The following MYH9 variants were observed in gnomAD, a reference collection of about 807,000 sequenced individuals.
The protein encoded by MYH9 is myosin heavy chain 9, also known as myosin-9.
In MYH9, 29 loss-of-function variants were observed where a neutral mutation model predicts 241.9. That is an observed-to-expected ratio of 0.12 (90% CI 0.09 to 0.16). The LOEUF (loss-of-function observed/expected upper bound fraction) is 0.16. Among genes scored for constraint, MYH9 ranks in the 10% least tolerant of loss-of-function variants. The probability of loss-of-function intolerance (pLI) is 1.00; values close to 1 mark genes in which losing one functional copy is unlikely to be tolerated. For synonymous variants in MYH9, 1,047 were observed against 1,062.6 expected (o/e 0.99, Z 0.29); for missense variants, 1,803 against 2,595.5 (o/e 0.69, Z 6.63).
rs1407374239 is a variant in MYH9, at chr22:36,288,331, T to A, written c.4853A>T (p.Asp1618Val). The change falls in exon 34 of 41, where the codon GAC becomes GTC. Residue 1618 changes from aspartate to valine, a missense_variant. Around this residue, in one of 11 missense-constraint regions of MYH9, gnomAD observed 876 missense variants for 1,077.8 expected, o/e 0.81. Coordinates refer to ENST00000216181, the MANE Select transcript of MYH9 (RefSeq NM_002473.6). This position sits in a 1 kb window ranked among gnomAD's most constrained non-coding sequence, Gnocchi z 4.8. ...AVAARKKLEM[D>V]LKDLEAHIDS... ...GATGTGCGCCTCCAGGTCCTTCAGG[T>A]CCATCTCCAGCTTCTTCCGGGCGGC... 2 of 1,614,022 alleles carry A rather than the reference T, an allele frequency of 1.2e-6. No homozygotes were observed. The highest frequency in any genetic ancestry group is 3.3e-5 in the Admixed American group (2 of 60,012).
intron 35 of MYH9, 151 bp downstream of exon 35, chr22:36,286,567 C>G: frequency 8.9e-7 from 1 of 1,118,072 alleles, no homozygotes; most frequent in Non-Finnish European, 1.3e-6. Context: ...GAAACGGAAC[C>G]CTGGAGGGAA....
In MYH9 at chr22:36,319,624, C is replaced by T. The variant is rs1467075674; in HGVS notation, c.1024G>A (p.Val342Ile). 6.2e-7 allele frequency: 1 copy of T among 1,614,076 alleles called. No individual in the cohort carries two copies. The highest frequency in any genetic ancestry group is 8.5e-7 in the Non-Finnish European group (1 of 1,180,022). Residue 342 changes from valine to isoleucine, a missense_variant, in exon 10 of 41, where the codon GTC (valine) becomes ATC (isoleucine). Val to Ile is a conservative substitution (Grantham distance 29). Around this residue, in one of 11 missense-constraint regions of MYH9, gnomAD observed 222 missense variants for 359.9 expected, o/e 0.62. Coordinates refer to ENST00000216181, the MANE Select transcript of MYH9 (RefSeq NM_002473.6). ...CCGAGCTGAAGAACCCCTGAGATGA[C>T]CCGCAGCAGGCCTTTGGGTGCAATC... ...PEEEQMGLLRVISGVLQLGNI... is the reference protein window; with the variant it reads ...PEEEQMGLLRIISGVLQLGNI...
At chr22:36,357,297 TG>T (rs1338707408) in intron 1 of MYH9, among the ~76,000 whole-genome samples, 1 of 152,026 alleles carries the variant, frequency 6.6e-6, no homozygotes, top group Non-Finnish European at 1.5e-5. Flanking sequence ...GAAGAGATGG[TG>T]GAAAGGTATC....
chr22:36,365,477 A>T (rs922677315), intron 1 of MYH9, among the ~76,000 whole-genome samples: 11 of 150,578 alleles, frequency 7.3e-5, no homozygotes, highest in East Asian at 5.9e-4. Context: ...TTTTTATTTT[A>T]TTTTTTTTTG....
At chr22:36,312,638 A>C (rs2017083648) in intron 13 of MYH9, among the ~76,000 whole-genome samples, 1 of 152,114 alleles carries the variant, frequency 6.6e-6, no homozygotes, top group Non-Finnish European at 1.5e-5. Flanking sequence ...GAGATGGGAT[A>C]TGTAGGAGGA....
intron 1 of MYH9, among the ~76,000 whole-genome samples, chr22:36,383,648 A>G (rs2146430334): frequency 7.7e-6 from 1 of 129,776 alleles, no homozygotes; most frequent in Non-Finnish European, 1.7e-5. Context: ...AAGACTGATC[A>G]TTTATATTAA....
At position 36,289,134 on chromosome 22, in the gene MYH9, C is replaced by T. The variant is rs549408311; in HGVS notation, c.4508G>A (p.Arg1503His). The change falls in exon 32 of 41, where the codon CGC becomes CAC. Residue 1503 changes from arginine (R) to histidine (H), a missense_variant. Around this residue, in one of 11 missense-constraint regions of MYH9, gnomAD observed 876 missense variants for 1,077.8 expected, o/e 0.81. Transcript: ENST00000216181. ...AELERLNKQFRTEMEDLMSSK... is the reference protein window; with the variant it reads ...AELERLNKQFHTEMEDLMSSK... ...GCTCATAAGGTCCTCCATCTCCGTG[C>T]GGAACTGCTTGTTGAGCCGCTCCAG... The T allele has an allele frequency of 9.9e-6, 16 of 1,614,096 alleles. No homozygotes were observed. The South Asian group carries it at 1.2e-4, about 12-fold the overall frequency.
chr22:36,309,412 A>G lies in MYH9; in HGVS notation c.1729-16T>C. 1 of 1,600,458 alleles carries G rather than the reference A, an allele frequency of 6.2e-7. No individual in the cohort carries two copies. On this transcript the variant is annotated splice_polypyrimidine_tract_variant and intron_variant, in intron 14 of 40. Coordinates refer to ENST00000216181, the MANE Select transcript of MYH9 (RefSeq NM_002473.6). ...TGTAATCCACCTGGCGGGGTCAGAG[A>G]GGCAGGAGTCACAAGCTGCGCTGGG...
At chr22:36,316,722 C>A in intron 11 of MYH9, 53 bp from the exon 12 acceptor site, 1 of 1,608,380 alleles carries the variant, frequency 6.2e-7, no homozygotes, top group South Asian at 1.1e-5. Flanking sequence ...TCTGAAAACC[C>A]TCATACCCTA....
Position 36,330,369 on chromosome 22 carries a change from C to G in MYH9, c.491-2881G>C, listed in dbSNP as rs957964241. Among the ~76,000 whole-genome samples, 1 of 152,240 alleles carries G rather than the reference C, an allele frequency of 6.6e-6. No individual in the cohort carries two copies. The highest frequency in any genetic ancestry group is 2.1e-4 in the South Asian group (1 of 4,836). The stretch of plus-strand genomic sequence containing the variant: ...ATGCACCACGAATCGTACCATGGCC[C>G]CATGCAACCGAAAAGGTCTTTCCAA... On this transcript the variant is annotated intron_variant, in intron 3 of 40. Coordinates refer to ENST00000216181, the MANE Select transcript of MYH9 (RefSeq NM_002473.6). This position sits in a 1 kb window ranked among gnomAD's most constrained non-coding sequence, Gnocchi z 4.5.
chr22:36,327,595 T>C (rs572404604), intron 3 of MYH9, 107 bp from the exon 4 acceptor site: 457 of 1,305,846 alleles, frequency 3.5e-4, no homozygotes, highest in South Asian at 1.4e-3. Context: ...GTGTCACAGA[T>C]GCTGTCTTTG....
At chr22:36,368,474 G>C (rs143977533) in intron 1 of MYH9, among the ~76,000 whole-genome samples, 4,058 of 152,294 alleles carry the variant, frequency 0.027, 66 homozygotes, top group Non-Finnish European at 0.04. Flanking sequence ...TGCACACAGA[G>C]CATCTGGCAA....
rs761589097 is a variant in MYH9 at position 36,329,920 on chromosome 22, C to G, written c.491-2432G>C. ...GCAAAGCCATATACATAGATCCACA[C>G]AAGGCACACAGCTGCACACGCATTC... On this transcript the variant is annotated intron_variant, in intron 3 of 40. Coordinates refer to ENST00000216181, the MANE Select transcript of MYH9 (RefSeq NM_002473.6). The surrounding 1 kb of genome is among the most constrained non-coding windows in gnomAD (Gnocchi z 4.1). Among the ~76,000 whole-genome samples the G allele has an allele frequency of 3.8e-4, 58 of 152,348 alleles. No homozygotes were observed. Among genetic ancestry groups the G allele is most frequent in the Non-Finnish European group, 6.3e-4 (43 of 68,036 alleles).
rs112719772 is a variant in MYH9, at chr22:36,314,246, A to G, written c.1453T>C (p.Phe485Leu). The G allele has an allele frequency of 6.2e-7, 1 of 1,614,218 alleles. No individual in the cohort carries two copies. ...KLQQLFNHTM[F>L]ILEQEEYQRE... ...TGGTACTCCTCCTGCTCCAGGATGAACATGGTGTGGTTGAAGAGCTGCTGC... is the reference window on the plus strand; with the variant it reads ...TGGTACTCCTCCTGCTCCAGGATGAGCATGGTGTGGTTGAAGAGCTGCTGC... Residue 485 changes from phenylalanine (F) to leucine (L), a missense_variant, in exon 13 of 41, where the codon TTC becomes CTC. Phe to Leu is a conservative substitution (Grantham distance 22). This residue lies in a region of MYH9 where 8 missense variants were observed against 46.8 expected (regional missense o/e 0.17). Coordinates refer to ENST00000216181, the MANE Select transcript of MYH9 (RefSeq NM_002473.6).
intron 1 of MYH9, among the ~76,000 whole-genome samples, chr22:36,367,240 A>C (rs762324626): frequency 3.9e-5 from 6 of 152,164 alleles, no homozygotes; most frequent in Non-Finnish European, 8.8e-5. Flanking sequence ...AAAGCTGTGG[A>C]CAGAATAACC....
chr22:36,288,550 A>G lies in MYH9; in HGVS notation c.4771-137T>C, dbSNP rs1487934780. 7.4e-7 allele frequency: 1 copy of G among 1,359,940 alleles called. No homozygotes were observed. The allele number at this position is 1,359,940 out of a possible 1,614,324, so 84.2% of individuals were successfully genotyped here. Reference sequence around the variant, plus strand: ...AAACCAGTGGGGATTACTGACCATAAGAACTCTAAGAAAGTGAGTCACTGA... The same window carrying G: ...AAACCAGTGGGGATTACTGACCATAGGAACTCTAAGAAAGTGAGTCACTGA... On this transcript the variant is annotated intron_variant, in intron 33 of 40. Transcript: ENST00000216181. This position sits in a 1 kb window ranked among gnomAD's most constrained non-coding sequence, Gnocchi z 4.8.
At chr22:36,381,854 A>G (rs1569537311) in intron 1 of MYH9, among the ~76,000 whole-genome samples, 1 of 152,176 alleles carries the variant, frequency 6.6e-6, no homozygotes, top group Non-Finnish European at 1.5e-5. Context: ...GTCATCTTCT[A>G]TGTCAATGCC....
In MYH9 at chr22:36,375,731, T is replaced by C. The variant is rs945720254; in HGVS notation, c.-20+12076A>G. ...GATAATCCATGTAAAAGCCCTAGCATGGCCAGGTGTAGGTGCAGTGGTGGC... is the reference window on the plus strand; with the variant it reads ...GATAATCCATGTAAAAGCCCTAGCACGGCCAGGTGTAGGTGCAGTGGTGGC... On this transcript the variant is annotated intron_variant, in intron 1 of 40. Transcript: ENST00000216181. Among the ~76,000 whole-genome samples, 27 of 152,188 alleles carry C rather than the reference T, an allele frequency of 1.8e-4. 1 individual carries two copies. The highest frequency in any genetic ancestry group is 3.4e-4 in the Non-Finnish European group (23 of 68,040).
chr22:36,295,401 G>GT lies in MYH9; in HGVS notation c.3485+103_3485+104insA. 3 of 808,622 alleles carry GT rather than the reference G, an allele frequency of 3.7e-6. No individual in the cohort carries two copies. Among genetic ancestry groups the GT allele is most frequent in the Admixed American group, 2.2e-5 (1 of 46,270 alleles). The allele number at this position is 808,622 out of a possible 1,614,324, so 50.1% of individuals were successfully genotyped here. A position where few individuals can be genotyped will look rare whatever the true frequency, so the allele number is the denominator to read the frequency against. On this transcript the variant is annotated intron_variant, in intron 26 of 40. Coordinates refer to ENST00000216181, the MANE Select transcript of MYH9 (RefSeq NM_002473.6). The surrounding 1 kb of genome is among the most constrained non-coding windows in gnomAD (Gnocchi z 4.1). ...GCCTGCTGGTGCCTAAGAGGGCCAC[G>GT]GTGTGTGTGTGTGTGTGTGTGCAGA...
Sources: allele counts gnomAD v4.1 joint callset (sites outside exome capture counted in the v4.1 genomes callset), GRCh38; gene constraint gnomAD v4.1.1; regional missense constraint gnomAD v4.1.1; non-coding constraint Gnocchi (gnomAD v3.1); transcripts MANE v1.5; gene names NCBI Gene and HGNC (gene_info 2026-07-23, HGNC 2026-07-21).